CHRM3: variants seen among roughly 807,000 people sequenced by gnomAD.
The protein encoded by CHRM3 is muscarinic acetylcholine receptor M3.
Under a neutral mutation model 41.8 loss-of-function variants are expected in CHRM3, and 11 were observed. That is an observed-to-expected ratio of 0.26 (90% confidence interval 0.17 to 0.44). The LOEUF (loss-of-function observed/expected upper bound fraction) is 0.44. Among genes scored for constraint, CHRM3 ranks in the 20% least tolerant of loss-of-function variants. The probability of loss-of-function intolerance (pLI) is 1.00; values close to 1 mark genes in which losing one functional copy is unlikely to be tolerated. For missense variants in CHRM3, 571 were observed against 745.4 expected, an observed-to-expected ratio of 0.77 and a Z score of 2.72; for synonymous variants, 297 against 301.4, an observed-to-expected ratio of 0.99 and a Z score of 0.15.
At chr1:239,397,702 TA>T (rs1659612696) in intron 1 of CHRM3, among the ~76,000 whole-genome samples, 2 of 147,564 alleles carry the variant, frequency 1.4e-5, no homozygotes, top group South Asian at 4.2e-4. Context: ...TATATATATA[TA>T]TATTTCTATA....
At chr1:239,524,775 G>A (rs1669882215) in intron 2 of CHRM3, among the ~76,000 whole-genome samples, 1 of 152,062 alleles carries the variant, frequency 6.6e-6, no homozygotes, top group South Asian at 2.1e-4. Context: ...CTGCACAGTT[G>A]CCTGGCTTAG....
chr1:239,588,780 C>T (rs1663715503), intron 3 of CHRM3, among the ~76,000 whole-genome samples: 1 of 152,084 alleles, frequency 6.6e-6, no homozygotes, highest in Non-Finnish European at 1.5e-5. Flanking sequence ...TTTGCATAGA[C>T]TTTGAATATG....
chr1:239,889,361 C>T (rs1678348531), intron 6 of CHRM3, among the ~76,000 whole-genome samples: 1 of 152,102 alleles, frequency 6.6e-6, no homozygotes, highest in Admixed American at 6.5e-5. Context: ...TTCTGCCTGA[C>T]CTGTGCCATG....
intron 3 of CHRM3, among the ~76,000 whole-genome samples, chr1:239,587,074 G>T (rs1314021091): frequency 6.6e-6 from 1 of 152,176 alleles, no homozygotes; most frequent in Admixed American, 6.5e-5. Context: ...CCTGAGCCGG[G>T]AAAGAGTTGA....
intron 2 of CHRM3, among the ~76,000 whole-genome samples, chr1:239,507,871 TGTGA>T (rs1044562520): frequency 3.1e-4 from 47 of 152,268 alleles, no homozygotes; most frequent in African/African-American, 1.1e-3. Flanking sequence ...TTTCTGAAAA[TGTGA>T]GCTTTGTGCT....
chr1:239,859,649 C>G (rs1262615996), intron 6 of CHRM3, among the ~76,000 whole-genome samples: 2 of 151,350 alleles, frequency 1.3e-5, no homozygotes, highest in African/African-American at 4.8e-5. Context: ...CTCCTGACCT[C>G]AAGTGATCCG....
At chr1:239,412,020 T>A (rs1661113656) in intron 1 of CHRM3, among the ~76,000 whole-genome samples, 1 of 151,616 alleles carries the variant, frequency 6.6e-6, no homozygotes, top group Non-Finnish European at 1.5e-5. Flanking sequence ...ATTTTAGCCC[T>A]CTTATAAATC....
chr1:239,742,327 T>G (rs1183116311), intron 5 of CHRM3, among the ~76,000 whole-genome samples: 1 of 152,168 alleles, frequency 6.6e-6, no homozygotes, highest in Non-Finnish European at 1.5e-5. Flanking sequence ...CTCAGCTAAG[T>G]AGGTCTTCTG....
intron 1 of CHRM3, among the ~76,000 whole-genome samples, chr1:239,486,657 C>T (rs1667201503): frequency 6.6e-6 from 1 of 152,014 alleles, no homozygotes. Flanking sequence ...TGATTGTGTT[C>T]TAATAAAACT....
At chr1:239,595,621 G>A (rs1455259414) in intron 3 of CHRM3, among the ~76,000 whole-genome samples, 1 of 152,132 alleles carries the variant, frequency 6.6e-6, no homozygotes, top group Non-Finnish European at 1.5e-5. Flanking sequence ...TGCCAAGCCT[G>A]TGAGATTTGT....
At chr1:239,415,627 T>G (rs1239550738) in intron 1 of CHRM3, among the ~76,000 whole-genome samples, 1 of 152,172 alleles carries the variant, frequency 6.6e-6, no homozygotes, top group African/African-American at 2.4e-5. Context: ...GGTGTATTTG[T>G]TTGTTCATTA....
intron 1 of CHRM3, among the ~76,000 whole-genome samples, chr1:239,454,476 CT>C (rs1044772449): frequency 2.8e-5 from 4 of 144,928 alleles, no homozygotes; most frequent in Admixed American, 6.9e-5. Context: ...TTTTTTTTTT[CT>C]TTTTTTTTTA....
At chr1:239,876,745 T>C (rs1013267432) in intron 6 of CHRM3, among the ~76,000 whole-genome samples, 8 of 152,196 alleles carry the variant, frequency 5.3e-5, no homozygotes, top group African/African-American at 1.9e-4. Context: ...GGAAGCCAAT[T>C]GAGGTTACTC....
chr1:239,586,569 C>G (rs972646575), intron 3 of CHRM3, among the ~76,000 whole-genome samples: 1 of 152,138 alleles, frequency 6.6e-6, no homozygotes, highest in East Asian at 1.9e-4. Context: ...ATGCTTATAT[C>G]TACCATTAAT....
chr1:239,444,226 C>T (rs1356458670), intron 1 of CHRM3, among the ~76,000 whole-genome samples: 2 of 152,140 alleles, frequency 1.3e-5, no homozygotes, highest in Non-Finnish European at 2.9e-5. Context: ...ATACAAAAGT[C>T]CATCCTATTC....
At chr1:239,704,216 G>A (rs766807616) in intron 5 of CHRM3, 4 of 152,172 alleles carry the variant, frequency 2.6e-5, no homozygotes, top group Non-Finnish European at 5.9e-5. Context: ...AGATCTGCAC[G>A]TAGGAATCAA....
At chr1:239,638,851 T>C (rs1187629793) in intron 4 of CHRM3, among the ~76,000 whole-genome samples, 1 of 152,210 alleles carries the variant, frequency 6.6e-6, no homozygotes, top group East Asian at 1.9e-4. Flanking sequence ...GTCTATGTCC[T>C]GAATGGTAAT....
intron 3 of CHRM3, among the ~76,000 whole-genome samples, chr1:239,606,366 C>T (rs1201951256): frequency 6.6e-6 from 1 of 152,086 alleles, no homozygotes; most frequent in Middle Eastern, 3.4e-3. Context: ...ACCTCCGCCT[C>T]CTGGGTTCAT....
chr1:239,607,816 AC>A (rs1341755138), intron 3 of CHRM3, among the ~76,000 whole-genome samples: 2 of 152,158 alleles, frequency 1.3e-5, no homozygotes, highest in African/African-American at 2.4e-5. Flanking sequence ...GGGCTATAAT[AC>A]TTTAACATTG....
Sources: gnomAD v4.1 joint callset for allele counts (sites outside exome capture counted in the v4.1 genomes callset) on GRCh38, gnomAD v4.1.1 for gene constraint, MANE v1.5 for transcripts, NCBI Gene and HGNC (gene_info 2026-07-23, HGNC 2026-07-21) for gene names.